WDFY2: variants seen among roughly 807,000 people sequenced by gnomAD.
WDFY2 encodes the protein WD repeat and FYVE domain-containing protein 2.
Under a neutral mutation model 56.4 loss-of-function variants are expected in WDFY2, and 36 were observed. The observed-to-expected ratio is 0.64, with a 90% CI of 0.49 to 0.84. The LOEUF is 0.84. WDFY2 is among the 40% of genes least tolerant of loss of function. The pLI is 0.00. For missense variants in WDFY2, 444 were observed against 512.2 expected (o/e 0.87, Z 1.29); for synonymous variants, 176 against 183.7 (o/e 0.96, Z 0.34).
intron 1 of WDFY2, among the ~76,000 whole-genome samples, chr13:51,653,238 C>A (rs1281138199): frequency 6.6e-6 from 1 of 152,142 alleles, no homozygotes; most frequent in East Asian, 1.9e-4. Flanking sequence ...GTTCTCGTGC[C>A]GTGGTTTTCA....
At chr13:51,686,723 G>A (rs887088276) in intron 3 of WDFY2, among the ~76,000 whole-genome samples, 4 of 152,056 alleles carry the variant, frequency 2.6e-5, no homozygotes, top group African/African-American at 9.7e-5. Context: ...GCTTGAAAAA[G>A]CAACACATTA....
intron 3 of WDFY2, among the ~76,000 whole-genome samples, chr13:51,697,226 A>G (rs963189814): frequency 2.0e-5 from 3 of 152,214 alleles, no homozygotes; most frequent in African/African-American, 7.2e-5. Context: ...TTTTTCCTTT[A>G]TGTCAATAGT....
chr13:51,690,427 T>C (rs1185564438), intron 3 of WDFY2, among the ~76,000 whole-genome samples: 2 of 146,742 alleles, frequency 1.4e-5, no homozygotes, highest in African/African-American at 5.0e-5. Context: ...TTCCCACCTA[T>C]GAGTGAGAAT....
intron 7 of WDFY2, among the ~76,000 whole-genome samples, chr13:51,747,883 C>G (rs933678878): frequency 6.6e-6 from 1 of 152,156 alleles, no homozygotes; most frequent in Non-Finnish European, 1.5e-5. Flanking sequence ...TTTCTAGGAC[C>G]TCTCTGGGAA....
rs142613629 is a variant in WDFY2 at position 51,629,780 on chromosome 13, G to A, written c.138-30816G>A. 1.3e-3 allele frequency among the ~76,000 whole-genome samples: 188 copies of A among 144,656 alleles called. 1 individual carries two copies. The highest frequency in any genetic ancestry group is 4.7e-3 in the African/African-American group (184 of 39,394). 94.9% of individuals were successfully genotyped at this position (144,656 alleles called of 152,430 possible). A position where few individuals can be genotyped will look rare whatever the true frequency, so the allele number is the denominator to read the frequency against. On this transcript the variant is annotated intron_variant, in intron 1 of 11. Coordinates refer to ENST00000298125, the MANE Select transcript of WDFY2 (RefSeq NM_052950.4). The stretch of plus-strand genomic sequence containing the variant: ...AGGCTTTTTGTTTTCTTCAGTAACG[G>A]TTCTCTTTAGTTCTTTGATTTTTTT...
At chr13:51,696,302 C>T (rs1317954445) in intron 3 of WDFY2, among the ~76,000 whole-genome samples, 1 of 152,178 alleles carries the variant, frequency 6.6e-6, no homozygotes, top group Admixed American at 6.5e-5. Context: ...CAGAGCTGTT[C>T]CTTTTTGGCC....
At chr13:51,729,634 G>T (rs1952681721) in intron 6 of WDFY2, among the ~76,000 whole-genome samples, 1 of 151,736 alleles carries the variant, frequency 6.6e-6, no homozygotes, top group Non-Finnish European at 1.5e-5. Flanking sequence ...CTATTTGCAG[G>T]GTCTCCACGC....
At chr13:51,702,931 G>A (rs12428714) in intron 3 of WDFY2, among the ~76,000 whole-genome samples, 2 of 152,176 alleles carry the variant, frequency 1.3e-5, no homozygotes, top group African/African-American at 2.4e-5. Context: ...CACTGTATAC[G>A]CAGATGCATG....
intron 1 of WDFY2, among the ~76,000 whole-genome samples, chr13:51,642,150 C>G (rs1328136739): frequency 1.3e-5 from 2 of 152,060 alleles, no homozygotes; most frequent in African/African-American, 4.8e-5. Context: ...TCATGTTCAG[C>G]CTTTCACATT....
At chr13:51,668,281 C>G (rs1021183764) in intron 2 of WDFY2, among the ~76,000 whole-genome samples, 3 of 152,130 alleles carry the variant, frequency 2.0e-5, no homozygotes, top group Non-Finnish European at 4.4e-5. Flanking sequence ...TTAGCATACT[C>G]TTCTTTGATT....
At chr13:51,594,541 T>C (rs1954109492) in intron 1 of WDFY2, among the ~76,000 whole-genome samples, 1 of 152,244 alleles carries the variant, frequency 6.6e-6, no homozygotes, top group Admixed American at 6.5e-5. Context: ...TGTTGTGTCT[T>C]AGGGAATCTC....
intron 1 of WDFY2, among the ~76,000 whole-genome samples, chr13:51,658,062 T>C (rs185703386): frequency 3.3e-5 from 5 of 152,336 alleles, no homozygotes; most frequent in African/African-American, 9.6e-5. Flanking sequence ...TGTTAAGAAC[T>C]GGACGTTTTG....
In WDFY2 at chr13:51,762,603, G is replaced by A. The variant is rs1953620994; in HGVS notation, c.*2834G>A. 6.6e-6 allele frequency: 1 copy of A among 152,204 alleles called. No homozygotes were observed. The highest frequency in any genetic ancestry group is 1.5e-5 in the Non-Finnish European group (1 of 68,040). The allele number at this position is 152,204 out of a possible 1,614,324, so 9.4% of individuals were successfully genotyped here. A position where few individuals can be genotyped will look rare whatever the true frequency, so the allele number is the denominator to read the frequency against. Reference sequence around the variant, plus strand: ...TTGTAGAGAAATATGTGCTGGTGTTGGGTGTCTTCCAAGCATTTTATGGAA... The same window carrying A: ...TTGTAGAGAAATATGTGCTGGTGTTAGGTGTCTTCCAAGCATTTTATGGAA... On this transcript the variant is annotated 3_prime_UTR_variant, in exon 12 of 12. Coordinates refer to ENST00000298125, the MANE Select transcript of WDFY2 (RefSeq NM_052950.4).
chr13:51,597,358 A>G (rs1728512594), intron 1 of WDFY2, among the ~76,000 whole-genome samples: 1 of 152,196 alleles, frequency 6.6e-6, no homozygotes, highest in East Asian at 1.9e-4. Context: ...TGTCCTTACC[A>G]TTATATAATT....
intron 11 of WDFY2, among the ~76,000 whole-genome samples, chr13:51,759,027 CA>C (rs1043763086): frequency 1.3e-5 from 2 of 152,024 alleles, no homozygotes; most frequent in Admixed American, 6.5e-5. Context: ...ACAAAAAAAT[CA>C]AAAATTAGCC....
At chr13:51,638,482 G>A (rs527492127) in intron 1 of WDFY2, among the ~76,000 whole-genome samples, 1 of 152,248 alleles carries the variant, frequency 6.6e-6, no homozygotes, top group African/African-American at 2.4e-5. Flanking sequence ...GCAAGTGAGT[G>A]GATTTCTTAA....
At chr13:51,679,423 G>A (rs950016271) in intron 3 of WDFY2, among the ~76,000 whole-genome samples, 1 of 152,026 alleles carries the variant, frequency 6.6e-6, no homozygotes, top group Non-Finnish European at 1.5e-5. Flanking sequence ...TTTGAAAAAG[G>A]CCTTAAAATG....
chr13:51,713,544 C>T (rs958676453), intron 4 of WDFY2, among the ~76,000 whole-genome samples: 2 of 152,092 alleles, frequency 1.3e-5, no homozygotes, highest in Non-Finnish European at 2.9e-5. Context: ...GCAAATGAAC[C>T]TTGAAGACAT....
intron 1 of WDFY2, chr13:51,592,734 T>C (rs947610996): frequency 6.6e-6 from 1 of 152,204 alleles, no homozygotes; most frequent in South Asian, 2.1e-4. Flanking sequence ...CCATTGGTTA[T>C]TAAATTATTA....
Sources: gnomAD v4.1 joint callset for allele counts (sites outside exome capture counted in the v4.1 genomes callset) on GRCh38, gnomAD v4.1.1 for gene constraint, MANE v1.5 for transcripts, NCBI Gene and HGNC (gene_info 2026-07-23, HGNC 2026-07-21) for gene names.